The following TBC1D5 variants were observed in gnomAD, a reference collection of about 807,000 sequenced individuals.
TBC1D5 encodes TBC1 domain family member 5.
Under a neutral mutation model 100.3 loss-of-function variants are expected in TBC1D5, and 75 were observed. That is an observed-to-expected ratio of 0.75 (90% confidence interval 0.62 to 0.91). TBC1D5 has a LOEUF of 0.91. Ranked by LOEUF, TBC1D5 falls within the 40% of genes least tolerant of loss-of-function variation. The pLI is 0.00. For missense variants in TBC1D5, 910 were observed against 942.4 expected, an observed-to-expected ratio of 0.97 and a Z score of 0.45; for synonymous variants, 323 against 325.6, an observed-to-expected ratio of 0.99 and a Z score of 0.09.
rs199685387 is a variant in TBC1D5 at position 17,224,689 on chromosome 3, A to T, written c.1589-10319T>A. On this transcript the variant is annotated intron_variant, in intron 17 of 21. Transcript: ENST00000253692. ...TGATATGTCTGGGAGAAATCTTTAGAATACCTGCTTTAATAAGTTAGCTTA... is the reference window on the plus strand; with the variant it reads ...TGATATGTCTGGGAGAAATCTTTAGTATACCTGCTTTAATAAGTTAGCTTA... Among the ~76,000 whole-genome samples, 12 of 152,328 alleles carry T rather than the reference A, an allele frequency of 7.9e-5. No individual in the cohort carries two copies. In the East Asian group the frequency reaches 2.1e-3, roughly 27 times the overall value.
intron 1 of TBC1D5, among the ~76,000 whole-genome samples, chr3:17,719,359 T>A (rs1424455940): frequency 6.6e-6 from 1 of 152,200 alleles, no homozygotes; most frequent in East Asian, 1.9e-4. Flanking sequence ...TAAAACCTGT[T>A]AGCATATTAT....
At chr3:17,398,825 A>G (rs2093574498) in intron 8 of TBC1D5, among the ~76,000 whole-genome samples, 1 of 152,074 alleles carries the variant, frequency 6.6e-6, no homozygotes, top group African/African-American at 2.4e-5. Context: ...CTGGTACACT[A>G]AGGAGATCAA....
intron 4 of TBC1D5, among the ~76,000 whole-genome samples, chr3:17,422,779 C>T (rs888574271): frequency 6.6e-6 from 1 of 152,006 alleles, no homozygotes; most frequent in Non-Finnish European, 1.5e-5. Flanking sequence ...AAGATACATA[C>T]GAATCTTTGT....
At chr3:17,431,881 G>A (rs2149407615) in intron 3 of TBC1D5, among the ~76,000 whole-genome samples, 1 of 152,154 alleles carries the variant, frequency 6.6e-6, no homozygotes, top group South Asian at 2.1e-4. Context: ...GGCATTTTTG[G>A]TTCCATCTGT....
chr3:17,455,530 A>ATATGTGTG (rs1553764168), intron 3 of TBC1D5, among the ~76,000 whole-genome samples: 2 of 143,344 alleles, frequency 1.4e-5, no homozygotes, highest in Non-Finnish European at 3.0e-5. Flanking sequence ...ATATATATAT[A>ATATGTGTG]TGTGTGTGTG....
chr3:17,166,684 T>C, intron 21 of TBC1D5, 83 bp downstream of exon 22: 1 of 1,518,950 alleles, frequency 6.6e-7, no homozygotes, highest in Non-Finnish European at 8.8e-7. Context: ...GTAACTTTGG[T>C]AGGGTGTATT....
intron 1 of TBC1D5, among the ~76,000 whole-genome samples, chr3:17,708,285 G>A (rs4431138): frequency 1.3e-5 from 2 of 151,878 alleles, no homozygotes; most frequent in Admixed American, 6.5e-5. Flanking sequence ...TGTATCTATC[G>A]ATCTACTTTG....
At chr3:17,272,080 GGA>G (rs1370744643) in intron 15 of TBC1D5, among the ~76,000 whole-genome samples, 1 of 130,582 alleles carries the variant, frequency 7.7e-6, no homozygotes, top group Admixed American at 7.5e-5. Flanking sequence ...TGTGTTGTTG[GGA>G]GAGAGTTATG....
chr3:17,411,766 G>C (rs922349714), intron 4 of TBC1D5, among the ~76,000 whole-genome samples: 1 of 152,154 alleles, frequency 6.6e-6, no homozygotes, highest in Non-Finnish European at 1.5e-5. Flanking sequence ...GCTTAAATAA[G>C]ACCCTGTACC....
intron 16 of TBC1D5, among the ~76,000 whole-genome samples, chr3:17,248,184 G>A (rs2076898546): frequency 6.6e-6 from 1 of 152,044 alleles, no homozygotes; most frequent in East Asian, 1.9e-4. Flanking sequence ...TAGAGACAGG[G>A]TTTCACCATG....
At chr3:17,245,192 C>CA (rs2076638493) in intron 16 of TBC1D5, among the ~76,000 whole-genome samples, 1 of 152,084 alleles carries the variant, frequency 6.6e-6, no homozygotes, top group Non-Finnish European at 1.5e-5. Context: ...GACCTGATCT[C>CA]AAAAAATCTG....
chr3:17,466,638 C>T (rs985573844), intron 3 of TBC1D5, among the ~76,000 whole-genome samples: 1 of 152,198 alleles, frequency 6.6e-6, no homozygotes, highest in Middle Eastern at 3.2e-3. Flanking sequence ...AATAGATAGG[C>T]TGGCTGTAAT....
At chr3:17,652,544 T>A (rs1396778650) in intron 1 of TBC1D5, among the ~76,000 whole-genome samples, 2 of 152,154 alleles carry the variant, frequency 1.3e-5, no homozygotes, top group Non-Finnish European at 2.9e-5. Flanking sequence ...ATAATAAATA[T>A]AACACAACAA....
intron 1 of TBC1D5, among the ~76,000 whole-genome samples, chr3:17,681,231 C>T (rs1395581894): frequency 6.6e-6 from 1 of 151,544 alleles, no homozygotes; most frequent in Admixed American, 6.6e-5. Flanking sequence ...GTATAATAGG[C>T]ATTTCTGAAC....
At chr3:17,353,437 G>C (rs2090867250) in intron 13 of TBC1D5, among the ~76,000 whole-genome samples, 1 of 151,960 alleles carries the variant, frequency 6.6e-6, no homozygotes, top group African/African-American at 2.4e-5. Context: ...TAGGGAAAAT[G>C]ACACAAGAAA....
chr3:17,315,567 T>A (rs1274706633), intron 13 of TBC1D5, among the ~76,000 whole-genome samples: 1 of 152,262 alleles, frequency 6.6e-6, no homozygotes, highest in Non-Finnish European at 1.5e-5. Context: ...AAAATGCTAT[T>A]CCTGGAGAAA....
At chr3:17,233,722 C>G (rs1415234592) in intron 17 of TBC1D5, 2 of 1,545,934 alleles carry the variant, frequency 1.3e-6, no homozygotes, top group East Asian at 2.5e-5. Context: ...GAACAGAAAC[C>G]TGAGCATCGC....
At chr3:17,308,319 C>T (rs1303356887) in intron 13 of TBC1D5, among the ~76,000 whole-genome samples, 185 bp from the exon 14 acceptor site, 1 of 151,608 alleles carries the variant, frequency 6.6e-6, no homozygotes, top group Non-Finnish European at 1.5e-5. Flanking sequence ...TATAACTAGG[C>T]CATCATCATT....
intron 1 of TBC1D5, among the ~76,000 whole-genome samples, chr3:17,692,403 A>C (rs1264834320): frequency 6.6e-6 from 1 of 152,168 alleles, no homozygotes; most frequent in East Asian, 1.9e-4. Context: ...AAAATTTTTA[A>C]TTCAGTGTAA....
Sources: gnomAD v4.1 joint callset for allele counts (sites outside exome capture counted in the v4.1 genomes callset) on GRCh38, gnomAD v4.1.1 for gene constraint, MANE v1.5 for transcripts, NCBI Gene and HGNC (gene_info 2026-07-23, HGNC 2026-07-21) for gene names.